PLD5: variants seen among roughly 807,000 people sequenced by gnomAD.
PLD5 encodes the protein inactive phospholipase D5.
Under a neutral mutation model 61.1 loss-of-function variants are expected in PLD5, and 36 were observed. The observed-to-expected ratio is 0.59, with a 90% CI of 0.45 to 0.78. The LOEUF (loss-of-function observed/expected upper bound fraction) is 0.78. Ranked by LOEUF, PLD5 falls within the 30% of genes least tolerant of loss-of-function variation. PLD5 has a pLI of 0.00. For synonymous variants in PLD5, 243 were observed against 242.8 expected (o/e 1.00, Z -0.01); for missense variants, 515 against 644.4 (o/e 0.80, Z 2.17).
intron 7 of PLD5, 36 bp from the exon 8 acceptor site, chr1:242,107,875 A>G (rs367992434): frequency 3.9e-6 from 6 of 1,544,842 alleles, no homozygotes; most frequent in Non-Finnish European, 5.2e-6. Flanking sequence ...AAAATAAACT[A>G]AGTTAGTTTG....
chr1:242,282,234 C>T (rs1235914334), intron 3 of PLD5, among the ~76,000 whole-genome samples: 2 of 152,222 alleles, frequency 1.3e-5, no homozygotes, highest in Non-Finnish European at 2.9e-5. Context: ...GAGGCAGGTT[C>T]TGTTATCGCC....
intron 1 of PLD5, among the ~76,000 whole-genome samples, chr1:242,519,177 T>G (rs72765082): frequency 0.018 from 2,740 of 152,322 alleles, 46 homozygotes; most frequent in Non-Finnish European, 0.026. Context: ...GCTTAACGGA[T>G]CCACCCTGTG....
chr1:242,176,802 G>C (rs976108985), intron 5 of PLD5, among the ~76,000 whole-genome samples: 1 of 152,184 alleles, frequency 6.6e-6, no homozygotes, highest in African/African-American at 2.4e-5. Flanking sequence ...AGGCATTTCT[G>C]CAGCCAACAA....
intron 5 of PLD5, among the ~76,000 whole-genome samples, chr1:242,127,102 G>A (rs1662850560): frequency 6.6e-6 from 1 of 152,122 alleles, no homozygotes; most frequent in East Asian, 1.9e-4. Context: ...GCCACAATGT[G>A]ATACCACCTT....
At chr1:242,317,319 C>T (rs1236625517) in intron 2 of PLD5, among the ~76,000 whole-genome samples, 1 of 152,156 alleles carries the variant, frequency 6.6e-6, no homozygotes, top group Non-Finnish European at 1.5e-5. Context: ...CTGGCCTCCA[C>T]TATTGATGAA....
chr1:242,111,298 C>T (rs566442590), intron 7 of PLD5, among the ~76,000 whole-genome samples: 123 of 152,224 alleles, frequency 8.1e-4, no homozygotes, highest in African/African-American at 2.8e-3. Flanking sequence ...CTCAGGTGAT[C>T]GGCCCACCTC....
intron 1 of PLD5, among the ~76,000 whole-genome samples, chr1:242,520,298 C>T (rs1293145652): frequency 6.6e-6 from 1 of 152,160 alleles, no homozygotes; most frequent in Non-Finnish European, 1.5e-5. Context: ...CCAATAGGCA[C>T]AGGTGAGATA....
chr1:242,186,823 T>C (rs1667933210), intron 5 of PLD5, among the ~76,000 whole-genome samples: 1 of 152,178 alleles, frequency 6.6e-6, no homozygotes, highest in African/African-American at 2.4e-5. Context: ...GAACTCATGG[T>C]TTTCTGATTC....
intron 1 of PLD5, among the ~76,000 whole-genome samples, chr1:242,401,208 A>G (rs1663912560): frequency 6.6e-6 from 1 of 152,216 alleles, no homozygotes; most frequent in South Asian, 2.1e-4. Context: ...CAATTCCATT[A>G]TTGGTCCCCA....
chr1:242,210,467 T>A (rs1391838625), intron 5 of PLD5: 1 of 155,226 alleles, frequency 6.4e-6, no homozygotes, highest in African/African-American at 2.4e-5. Flanking sequence ...AAAGGAAGTG[T>A]CAATGGCTGG....
chr1:242,099,048 A>C lies in PLD5; in HGVS notation c.1354+1620T>G, dbSNP rs528186782. 1.5e-4 allele frequency among the ~76,000 whole-genome samples: 23 copies of C among 152,284 alleles called. No individual in the cohort carries two copies. The East Asian group carries it at 4.1e-3, about 27-fold the overall frequency. ...GGCAGTCTGTCCATTCTCAGATCTC[A>C]GTCTGTGTGCTGGGAGAACCACCAC... On this transcript the variant is annotated intron_variant, in intron 9 of 9. Transcript: ENST00000536534.
intron 5 of PLD5, among the ~76,000 whole-genome samples, chr1:242,153,063 A>G (rs1476254576): frequency 6.6e-6 from 1 of 151,498 alleles, no homozygotes. Flanking sequence ...CTGGTGTGAG[A>G]TGGTATCTCA....
At chr1:242,159,174 T>TC (rs145915977) in intron 5 of PLD5, among the ~76,000 whole-genome samples, 71,016 of 151,624 alleles carry the variant, frequency 0.47, 18,032 homozygotes, top group African/African-American at 0.67. Flanking sequence ...CGAACGCAAA[T>TC]TTTTTTATGC....
rs1365697575 is a variant in PLD5, at chr1:242,157,599, C to T, written c.736-32934G>A. Among the ~76,000 whole-genome samples, 5 of 152,172 alleles carry T rather than the reference C, an allele frequency of 3.3e-5. No homozygotes were observed. The East Asian group carries it at 9.6e-4, about 29-fold the overall frequency. On this transcript the variant is annotated intron_variant, in intron 5 of 9. Coordinates refer to ENST00000536534, the MANE Select transcript of PLD5 (RefSeq NM_001372062.1). ...TTACTTCTAACAGGCCCCTCTGCTG[C>T]AGGTCTGCTGGAGTTTGCTGGAGGT... is the stretch of plus-strand genomic sequence containing the variant.
At chr1:242,222,754 T>C (rs1317794532) in intron 4 of PLD5, among the ~76,000 whole-genome samples, 1 of 152,224 alleles carries the variant, frequency 6.6e-6, no homozygotes, top group Non-Finnish European at 1.5e-5. Flanking sequence ...AAGTACCATG[T>C]TATTTTGCAA....
At chr1:242,252,776 C>G (rs1163717768) in intron 4 of PLD5, among the ~76,000 whole-genome samples, 4 of 150,702 alleles carry the variant, frequency 2.7e-5, no homozygotes, top group African/African-American at 9.8e-5. Flanking sequence ...GAAAGACTGC[C>G]ATTTATTCAT....
At chr1:242,158,456 A>C (rs1665566074) in intron 5 of PLD5, among the ~76,000 whole-genome samples, 1 of 152,076 alleles carries the variant, frequency 6.6e-6, no homozygotes, top group South Asian at 2.1e-4. Context: ...CACCAGAGGG[A>C]ATCTCCTGGT....
chr1:242,324,907 C>T (rs1341408648), intron 2 of PLD5, among the ~76,000 whole-genome samples: 2 of 152,150 alleles, frequency 1.3e-5, no homozygotes, highest in Admixed American at 1.3e-4. Flanking sequence ...TGACCCAAAC[C>T]AATCATCATT....
rs181341452 is a variant in PLD5, at chr1:242,379,789, C to G, written c.190-31547G>C. On this transcript the variant is annotated intron_variant, in intron 1 of 9. Coordinates refer to ENST00000536534, the MANE Select transcript of PLD5 (RefSeq NM_001372062.1). Reference sequence around the variant, plus strand: ...ACGTCCCAATCCACTTTTTACTGTCCTCCCAATATATTTATGCAAAAAGTT... The same window carrying G: ...ACGTCCCAATCCACTTTTTACTGTCGTCCCAATATATTTATGCAAAAAGTT... Among the ~76,000 whole-genome samples the G allele has an allele frequency of 2.8e-3, 431 of 152,092 alleles. 1 individual carries two copies. Among genetic ancestry groups the G allele is most frequent in the Middle Eastern group, 0.01 (3 of 294 alleles).
Sources: allele counts gnomAD v4.1 joint callset (sites outside exome capture counted in the v4.1 genomes callset), GRCh38; gene constraint gnomAD v4.1.1; transcripts MANE v1.5; gene names NCBI Gene and HGNC (gene_info 2026-07-23, HGNC 2026-07-21).